LHFPL6: variants seen among roughly 807,000 people sequenced by gnomAD.
LHFPL6 encodes the protein LHFPL tetraspan subfamily member 6.
LHFPL6 carries 9 observed loss-of-function variants against 20.6 expected under a neutral mutation model. The observed-to-expected ratio is 0.44, with a 90% CI of 0.26 to 0.76. LHFPL6 has a LOEUF of 0.76. LHFPL6 is among the 30% of genes least tolerant of loss of function. LHFPL6 has a pLI of 0.20. For missense variants in LHFPL6, 218 were observed against 253.5 expected (o/e 0.86, Z 0.95); for synonymous variants, 105 against 98.7 (o/e 1.06, Z -0.38).
chr13:39,545,775 T>C (rs952064581), intron 2 of LHFPL6, among the ~76,000 whole-genome samples: 3 of 151,966 alleles, frequency 2.0e-5, no homozygotes, highest in Non-Finnish European at 4.4e-5. Flanking sequence ...TTTTAAAAAT[T>C]TGTAGTATTT....
chr13:39,401,972 C>T lies in LHFPL6; in HGVS notation c.386-23446G>A, dbSNP rs772979522. 8.6e-5 allele frequency among the ~76,000 whole-genome samples: 13 copies of T among 151,990 alleles called. 1 individual carries two copies. The highest frequency in any genetic ancestry group is 3.3e-4 in the Admixed American group (5 of 15,250). Reference sequence around the variant, plus strand: ...TTAGTACTTTTAGACAGATGTATACCGTCCGATATGGTAACCACTAACCAC... The same window carrying T: ...TTAGTACTTTTAGACAGATGTATACTGTCCGATATGGTAACCACTAACCAC... On this transcript the variant is annotated intron_variant, in intron 2 of 3. Transcript: ENST00000379589.
chr13:39,422,602 A>AAAG (rs147955296), intron 2 of LHFPL6, among the ~76,000 whole-genome samples: 3,282 of 114,128 alleles, frequency 0.029, 210 homozygotes, highest in South Asian at 0.058. Flanking sequence ...AAAAAAAAAA[A>AAAG]AAGAAGAAGA....
intron 2 of LHFPL6, among the ~76,000 whole-genome samples, chr13:39,418,382 C>CTCTT (rs1871399018): frequency 7.7e-6 from 1 of 129,738 alleles, no homozygotes; most frequent in African/African-American, 3.0e-5. Flanking sequence ...TTTTTTTGGT[C>CTCTT]TTTTTTTTTT....
intron 2 of LHFPL6, among the ~76,000 whole-genome samples, chr13:39,406,680 TCA>T (rs1237749467): frequency 2.0e-5 from 3 of 152,208 alleles, no homozygotes; most frequent in Non-Finnish European, 1.5e-5. Flanking sequence ...TTTAATGTAA[TCA>T]CAGTGTTCAA....
intron 2 of LHFPL6, among the ~76,000 whole-genome samples, chr13:39,400,905 T>C (rs1170853399): frequency 6.6e-6 from 1 of 152,032 alleles, no homozygotes; most frequent in Non-Finnish European, 1.5e-5. Context: ...TTATCATTCC[T>C]TTTCACTACT....
At chr13:39,600,387 A>G (rs1202571587) in intron 2 of LHFPL6, among the ~76,000 whole-genome samples, 1 of 152,252 alleles carries the variant, frequency 6.6e-6, no homozygotes, top group Non-Finnish European at 1.5e-5. Flanking sequence ...GCATCCACCA[A>G]AGTGTATTAG....
At chr13:39,352,460 C>T (rs1210716313) in intron 3 of LHFPL6, among the ~76,000 whole-genome samples, 1 of 152,222 alleles carries the variant, frequency 6.6e-6, no homozygotes, top group Admixed American at 6.5e-5. Context: ...GCACAGGACA[C>T]TGTAACTCGG....
At chr13:39,410,455 A>C (rs2138386674) in intron 2 of LHFPL6, among the ~76,000 whole-genome samples, 1 of 152,308 alleles carries the variant, frequency 6.6e-6, no homozygotes, top group South Asian at 2.1e-4. Context: ...AAACTTGAAA[A>C]CAATGTTATT....
chr13:39,389,978 C>T (rs1305067824), intron 2 of LHFPL6, among the ~76,000 whole-genome samples: 1 of 152,042 alleles, frequency 6.6e-6, no homozygotes, highest in Non-Finnish European at 1.5e-5. Context: ...CCACGAGTGC[C>T]CTTAACCAAC....
rs572775059 is a variant in LHFPL6 at position 39,410,614 on chromosome 13, CA to C, written c.386-32089del. Among the ~76,000 whole-genome samples, 234 of 151,632 alleles carry C rather than the reference CA, an allele frequency of 1.5e-3. 3 individuals are homozygous for C. In the South Asian group the frequency reaches 0.03, roughly 20 times the overall value. Reference sequence around the variant, plus strand: ...CGAAAAACAGGAATTTTTGAGTATCCAAAAAAAATGTATGAATAACATTCAC... The same window carrying C: ...CGAAAAACAGGAATTTTTGAGTATCCAAAAAAATGTATGAATAACATTCAC... On this transcript the variant is annotated intron_variant, in intron 2 of 3. Coordinates refer to ENST00000379589, the MANE Select transcript of LHFPL6 (RefSeq NM_005780.3).
At chr13:39,482,098 G>A (rs115248501) in intron 2 of LHFPL6, among the ~76,000 whole-genome samples, 477 of 152,246 alleles carry the variant, frequency 3.1e-3, no homozygotes, top group African/African-American at 0.011. Context: ...CAAAAGTTGC[G>A]AATTATTGTC....
intron 2 of LHFPL6, among the ~76,000 whole-genome samples, chr13:39,387,042 C>T (rs183828999): frequency 3.3e-4 from 50 of 152,286 alleles, no homozygotes; most frequent in Admixed American, 2.8e-3. Context: ...GCACTCTCTA[C>T]CCTTTACTTG....
At chr13:39,357,721 C>A (rs1370066016) in intron 3 of LHFPL6, among the ~76,000 whole-genome samples, 1 of 151,880 alleles carries the variant, frequency 6.6e-6, no homozygotes, top group Non-Finnish European at 1.5e-5. Flanking sequence ...AGTTGAGAGC[C>A]AAATCAAGAA....
chr13:39,560,170 A>G (rs1164303421), intron 2 of LHFPL6, among the ~76,000 whole-genome samples: 1 of 152,236 alleles, frequency 6.6e-6, no homozygotes, highest in East Asian at 1.9e-4. Context: ...TAATAAGTTA[A>G]CAAATACCTC....
intron 3 of LHFPL6, among the ~76,000 whole-genome samples, chr13:39,369,295 A>C (rs181609619): frequency 7.4e-4 from 113 of 152,266 alleles, no homozygotes; most frequent in Admixed American, 1.4e-3. Context: ...CAAAGGCATA[A>C]ATAAAAGAGT....
chr13:39,569,126 C>CACGGATGGATGGATGG (rs1555268664), intron 2 of LHFPL6, among the ~76,000 whole-genome samples: 3 of 112,582 alleles, frequency 2.7e-5, no homozygotes, highest in African/African-American at 1.0e-4. Context: ...GCTTAGTAAA[C>CACGGATGGATGGATGG]ACGGATGGAT....
intron 2 of LHFPL6, among the ~76,000 whole-genome samples, chr13:39,539,415 T>C (rs1338125959): frequency 3.3e-5 from 5 of 152,176 alleles, no homozygotes; most frequent in Admixed American, 3.3e-4. Context: ...TCACCAGTGA[T>C]CTCTGGTCCT....
chr13:39,490,104 A>AC (rs1868869610), intron 2 of LHFPL6, among the ~76,000 whole-genome samples: 2 of 152,200 alleles, frequency 1.3e-5, no homozygotes, highest in African/African-American at 4.8e-5. Context: ...ACAAAAAAAA[A>AC]AACAGGAAAC....
chr13:39,369,528 T>C (rs565182867), intron 3 of LHFPL6, among the ~76,000 whole-genome samples: 49 of 150,712 alleles, frequency 3.3e-4, no homozygotes, highest in African/African-American at 1.1e-3. Flanking sequence ...AGAAACATGA[T>C]GGCAGCTGCT....
Sources: allele counts gnomAD v4.1 joint callset (sites outside exome capture counted in the v4.1 genomes callset), GRCh38; gene constraint gnomAD v4.1.1; transcripts MANE v1.5; gene names NCBI Gene and HGNC (gene_info 2026-07-23, HGNC 2026-07-21).